TMTC2: variants seen among roughly 807,000 people sequenced by gnomAD.
TMTC2 encodes transmembrane O-mannosyltransferase targeting cadherins 2, also known as protein O-mannosyl-transferase TMTC2.
A neutral mutation model predicts 82.4 loss-of-function variants in TMTC2; 43 were observed. The ratio of observed to expected loss-of-function variants is 0.52; its 90% confidence interval spans 0.41 to 0.67. The LOEUF (loss-of-function observed/expected upper bound fraction) is 0.67, where lower values mean the gene tolerates loss of function less well. TMTC2 is among the 30% of genes least tolerant of loss of function. The probability of loss-of-function intolerance (pLI) is 0.00; values close to 1 mark genes in which losing one functional copy is unlikely to be tolerated. For synonymous variants in TMTC2, 408 were observed against 381.9 expected (o/e 1.07, Z -0.80); for missense variants, 919 against 1,012.4 (o/e 0.91, Z 1.25).
At chr12:82,699,453 G>C (rs1872967565) in intron 1 of TMTC2, among the ~76,000 whole-genome samples, 1 of 152,086 alleles carries the variant, frequency 6.6e-6, no homozygotes, top group African/African-American at 2.4e-5. Context: ...GTTCTGCTTG[G>C]CAGAGCATAT....
At chr12:83,002,007 G>A (rs1480239658) in intron 8 of TMTC2, among the ~76,000 whole-genome samples, 2 of 152,208 alleles carry the variant, frequency 1.3e-5, no homozygotes, top group Non-Finnish European at 2.9e-5. Flanking sequence ...AATGAGTTAG[G>A]AAGGAATTCT....
chr12:82,827,932 G>A (rs1020076090), intron 1 of TMTC2, among the ~76,000 whole-genome samples: 1 of 145,824 alleles, frequency 6.9e-6, no homozygotes, highest in Middle Eastern at 3.4e-3. Context: ...TTGCTCTGTC[G>A]CCTGAGCTGG....
chr12:83,030,264 T>C (rs1409082054), intron 8 of TMTC2, among the ~76,000 whole-genome samples: 1 of 152,162 alleles, frequency 6.6e-6, no homozygotes, highest in Non-Finnish European at 1.5e-5. Flanking sequence ...TTAAGTATTT[T>C]TGGCATACAT....
At chr12:82,888,641 G>A (rs1873227557) in intron 2 of TMTC2, among the ~76,000 whole-genome samples, 1 of 152,140 alleles carries the variant, frequency 6.6e-6, no homozygotes, top group African/African-American at 2.4e-5. Flanking sequence ...TAGCATAATG[G>A]TATAAAATGT....
intron 9 of TMTC2, among the ~76,000 whole-genome samples, chr12:83,032,594 G>C (rs1051824563): frequency 1.3e-5 from 2 of 151,864 alleles, no homozygotes; most frequent in African/African-American, 4.8e-5. Context: ...GCCCAGGCTG[G>C]TGTGCAATGG....
At chr12:82,968,939 G>A (rs985362404) in intron 7 of TMTC2, among the ~76,000 whole-genome samples, 4 of 152,046 alleles carry the variant, frequency 2.6e-5, no homozygotes, top group Non-Finnish European at 1.5e-5. Flanking sequence ...TTTTTTCTAC[G>A]ATTATGGTGG....
intron 1 of TMTC2, among the ~76,000 whole-genome samples, chr12:82,818,736 A>G (rs540238338): frequency 2.6e-5 from 4 of 152,116 alleles, no homozygotes; most frequent in Non-Finnish European, 5.9e-5. Context: ...TTACTTTCTC[A>G]TGTTCAACCT....
intron 11 of TMTC2, among the ~76,000 whole-genome samples, chr12:83,089,664 A>C (rs1461268744): frequency 6.6e-6 from 1 of 152,100 alleles, no homozygotes; most frequent in East Asian, 1.9e-4. Context: ...TTTTTAGAAT[A>C]TTTATAGTCT....
At chr12:82,812,776 T>G (rs1327361738) in intron 1 of TMTC2, among the ~76,000 whole-genome samples, 1 of 152,048 alleles carries the variant, frequency 6.6e-6, no homozygotes, top group Non-Finnish European at 1.5e-5. Flanking sequence ...CTTGTAAGCT[T>G]ATAGAAAAAT....
At chr12:82,930,913 A>T (rs899038231) in intron 4 of TMTC2, among the ~76,000 whole-genome samples, 11 of 152,124 alleles carry the variant, frequency 7.2e-5, no homozygotes. Context: ...GATTATTAGC[A>T]TTATTATTTT....
intron 11 of TMTC2, among the ~76,000 whole-genome samples, chr12:83,077,901 T>TC (rs368556559): frequency 0.22 from 31,202 of 140,782 alleles, 2,507 homozygotes; most frequent in South Asian, 0.33. Context: ...TTTTTTTTTT[T>TC]TTTTAACAGG....
intron 10 of TMTC2, among the ~76,000 whole-genome samples, chr12:83,053,087 T>A (rs1239228824): frequency 6.6e-6 from 1 of 152,170 alleles, no homozygotes; most frequent in Non-Finnish European, 1.5e-5. Context: ...GTTGAGAACA[T>A]TCAGGGCTTT....
intron 1 of TMTC2, among the ~76,000 whole-genome samples, chr12:82,804,710 A>G (rs1769307111): frequency 6.6e-6 from 1 of 152,126 alleles, no homozygotes; most frequent in African/African-American, 2.4e-5. Flanking sequence ...GGTATTGAAT[A>G]GTGCAGTGAG....
chr12:82,988,061 G>A (rs1466291558), intron 8 of TMTC2, among the ~76,000 whole-genome samples: 1 of 152,186 alleles, frequency 6.6e-6, no homozygotes, highest in Non-Finnish European at 1.5e-5. Context: ...TAGAAGGAAT[G>A]CTGGAGTGAG....
chr12:83,047,692 C>T (rs531168887), intron 9 of TMTC2, among the ~76,000 whole-genome samples: 3 of 152,038 alleles, frequency 2.0e-5, no homozygotes, highest in Non-Finnish European at 4.4e-5. Context: ...ATGATCATAT[C>T]GGAATTTTTT....
At chr12:83,108,812 G>A (rs937853768) in intron 11 of TMTC2, among the ~76,000 whole-genome samples, 1 of 152,054 alleles carries the variant, frequency 6.6e-6, no homozygotes, top group Admixed American at 6.6e-5. Flanking sequence ...TTAAAGTTAG[G>A]TGCTAACAAG....
rs1878792752 is a variant in TMTC2 at position 82,797,810 on chromosome 12, A to T, written c.84-59200A>T. Among the ~76,000 whole-genome samples, 3 of 151,926 alleles carry T rather than the reference A, an allele frequency of 2.0e-5. No individual in the cohort carries two copies. In the South Asian group the frequency reaches 6.2e-4, roughly 32 times the overall value. On this transcript the variant is annotated intron_variant, in intron 1 of 11. Coordinates refer to ENST00000321196, the MANE Select transcript of TMTC2 (RefSeq NM_152588.3). Reference sequence around the variant, plus strand: ...TAGGCTCATGTGGGAAGATTAGATCATACAATTTATATAAAATACTCTAAA... The same window carrying T: ...TAGGCTCATGTGGGAAGATTAGATCTTACAATTTATATAAAATACTCTAAA...
chr12:82,879,789 T>G (rs768347541), intron 2 of TMTC2, among the ~76,000 whole-genome samples: 3 of 152,216 alleles, frequency 2.0e-5, no homozygotes, highest in Non-Finnish European at 2.9e-5. Flanking sequence ...AGATAATACA[T>G]GTAAGACACT....
rs532613178 is a variant in TMTC2 at position 82,788,157 on chromosome 12, T to C, written c.84-68853T>C. Among the ~76,000 whole-genome samples, 4 of 152,212 alleles carry C rather than the reference T, an allele frequency of 2.6e-5. No homozygotes were observed. In the East Asian group the frequency reaches 7.7e-4, roughly 29 times the overall value. ...TTTAAAAAAGTCAGATCTGCTACTA[T>C]ATTTTAAATATGACTTAATAAAAAT... On this transcript the variant is annotated intron_variant, in intron 1 of 11. Coordinates refer to ENST00000321196, the MANE Select transcript of TMTC2 (RefSeq NM_152588.3).
Sources: allele counts gnomAD v4.1 joint callset (sites outside exome capture counted in the v4.1 genomes callset), GRCh38; gene constraint gnomAD v4.1.1; transcripts MANE v1.5; gene names NCBI Gene and HGNC (gene_info 2026-07-23, HGNC 2026-07-21).